The following RALGAPB variants were observed in gnomAD, a reference collection of about 807,000 sequenced individuals.
RALGAPB encodes the protein ral GTPase-activating protein subunit beta.
In RALGAPB, 25 loss-of-function variants were observed where a neutral mutation model predicts 161.1. The observed-to-expected ratio is 0.16, with a 90% CI of 0.11 to 0.22. RALGAPB has a LOEUF of 0.22. RALGAPB is among the 10% of genes least tolerant of loss of function. The pLI, the probability that RALGAPB is intolerant of heterozygous loss-of-function variation, is 1.00. For missense variants in RALGAPB, 1,391 were observed against 1,815.2 expected, an observed-to-expected ratio of 0.77 and a Z score of 4.25; for synonymous variants, 629 against 626.1, an observed-to-expected ratio of 1.00 and a Z score of -0.07.
intron 9 of RALGAPB, among the ~76,000 whole-genome samples, 179 bp downstream of exon 9, chr20:38,518,179 C>T (rs1004221176): frequency 3.3e-5 from 5 of 152,122 alleles, no homozygotes; most frequent in South Asian, 2.1e-4. Context: ...AGTTTTCCTC[C>T]CTGTTCTTTT....
At chr20:38,524,671 A>C (rs79355080) in intron 10 of RALGAPB, 107 bp from the exon 11 acceptor site, 1 of 843,742 alleles carries the variant, frequency 1.2e-6, no homozygotes, top group Admixed American at 2.6e-5. Context: ...TTAAAGGGTA[A>C]AAATAGTGAT....
chr20:38,503,850 C>G (rs2085669331), intron 5 of RALGAPB, among the ~76,000 whole-genome samples: 1 of 152,192 alleles, frequency 6.6e-6, no homozygotes, highest in East Asian at 1.9e-4. Context: ...CCACCCCAAC[C>G]TTCAGCAGTC....
intron 9 of RALGAPB, 80 bp downstream of exon 9, chr20:38,518,080 G>C: frequency 7.7e-7 from 1 of 1,300,464 alleles, no homozygotes; most frequent in Non-Finnish European, 1.1e-6. Context: ...CTACCTGCAA[G>C]ATTAATATGT....
intron 3 of RALGAPB, among the ~76,000 whole-genome samples, chr20:38,495,930 A>G (rs2122919517): frequency 6.6e-6 from 1 of 151,866 alleles, no homozygotes. Context: ...GGAGGCATGC[A>G]CTCTTGGAAG....
chr20:38,507,558 T>C (rs2085799603), intron 5 of RALGAPB, among the ~76,000 whole-genome samples: 1 of 152,136 alleles, frequency 6.6e-6, no homozygotes, highest in African/African-American at 2.4e-5. Context: ...GTATTTTTTG[T>C]AAAGATGAGG....
Position 38,551,138 on chromosome 20 carries a change from G to T in RALGAPB, c.3077G>T (p.Arg1026Leu). 6.2e-7 allele frequency: 1 copy of T among 1,613,788 alleles called. No homozygotes were observed. The highest frequency in any genetic ancestry group is 8.5e-7 in the Non-Finnish European group (1 of 1,179,754). Residue 1026 changes from arginine to leucine, a missense_variant, in exon 21 of 30, where the codon CGG becomes CTG. By Grantham distance (102) the Arg-to-Leu change is moderately radical (BLOSUM62 -2). Transcript: ENST00000262879. ...GGATTTAAATATTCTGTGAAACATC[G>T]GCCATTTCCTGAAGAGGTGGACAAG... Reference protein sequence around the residue: ...DVGFKYSVKHRPFPEEVDKIP... With the variant: ...DVGFKYSVKHLPFPEEVDKIP...
intron 22 of RALGAPB, 59 bp from the exon 23 acceptor site, chr20:38,558,236 A>G (rs2087656782): frequency 2.3e-6 from 3 of 1,331,668 alleles, no homozygotes; most frequent in Non-Finnish European, 3.0e-6. Context: ...TATTGTTTTT[A>G]TAATTATAAC....
Position 38,547,888 on chromosome 20 carries a change from A to G in RALGAPB, c.2903-801A>G, listed in dbSNP as rs202085980. On this transcript the variant is annotated intron_variant, in intron 19 of 29. Coordinates refer to ENST00000262879, the MANE Select transcript of RALGAPB (RefSeq NM_020336.4). ...CAAGCCATCTGCTGAGGAGTCTGCA[A>G]AATCCCAGTGTCCCCTTCAGGCTTC... 18 of 152,266 alleles carry G rather than the reference A, an allele frequency of 1.2e-4. No individual in the cohort carries two copies. The East Asian group carries it at 3.3e-3, about 28-fold the overall frequency. The allele number at this position is 152,266 out of a possible 1,614,324, so 9.4% of individuals were successfully genotyped here.
chr20:38,478,480 G>A (rs2084869552), intron 1 of RALGAPB, among the ~76,000 whole-genome samples: 1 of 152,126 alleles, frequency 6.6e-6, no homozygotes, highest in South Asian at 2.1e-4. Flanking sequence ...GAGTGCAGTG[G>A]CGTGATCTCA....
At chr20:38,529,702 G>A (rs2086590535) in intron 13 of RALGAPB, among the ~76,000 whole-genome samples, 1 of 151,566 alleles carries the variant, frequency 6.6e-6, no homozygotes, top group Non-Finnish European at 1.5e-5. Flanking sequence ...AATTAGCCAG[G>A]CGTGGTGGCA....
chr20:38,572,402 CA>C (rs1222983997), intron 28 of RALGAPB, among the ~76,000 whole-genome samples: 2 of 152,122 alleles, frequency 1.3e-5, no homozygotes, highest in Non-Finnish European at 2.9e-5. Context: ...AAAATAGGCT[CA>C]AAGAGGTTAT....
At chr20:38,489,030 T>C (rs966508728) in intron 2 of RALGAPB, among the ~76,000 whole-genome samples, 1 of 152,184 alleles carries the variant, frequency 6.6e-6, no homozygotes, top group African/African-American at 2.4e-5. Flanking sequence ...TGAAGACTCA[T>C]GTCAAGTTTT....
chr20:38,489,732 T>C (rs1465285062), intron 2 of RALGAPB, among the ~76,000 whole-genome samples: 1 of 152,180 alleles, frequency 6.6e-6, no homozygotes, highest in Non-Finnish European at 1.5e-5. Flanking sequence ...CTAAAACTTG[T>C]AGCTCTAAGG....
intron 18 of RALGAPB, among the ~76,000 whole-genome samples, chr20:38,544,234 A>T (rs1282813825): frequency 6.6e-6 from 1 of 152,138 alleles, no homozygotes; most frequent in African/African-American, 2.4e-5. Flanking sequence ...TCCCACTTCT[A>T]TGCGTTGGTT....
chr20:38,576,126 G>A lies in RALGAPB; in HGVS notation c.*1159G>A, dbSNP rs966917387. 6.6e-6 allele frequency: 1 copy of A among 152,462 alleles called. No individual in the cohort carries two copies. The highest frequency in any genetic ancestry group is 2.4e-5 in the African/African-American group (1 of 41,418). 9.4% of individuals were successfully genotyped at this position (152,462 alleles called of 1,614,324 possible). A position where few individuals can be genotyped will look rare whatever the true frequency, so the allele number is the denominator to read the frequency against. ...TTACCTCGCTGCTACTTTTCTGCAG[G>A]GATAAAACTTTTGAGGTGGCCAGAC... is the stretch of plus-strand genomic sequence containing the variant. On this transcript the variant is annotated 3_prime_UTR_variant, in exon 30 of 30. Coordinates refer to ENST00000262879, the MANE Select transcript of RALGAPB (RefSeq NM_020336.4).
intron 23 of RALGAPB, among the ~76,000 whole-genome samples, chr20:38,560,191 A>T (rs1295346697): frequency 6.6e-6 from 1 of 152,172 alleles, no homozygotes; most frequent in Non-Finnish European, 1.5e-5. Context: ...AAAATCTACA[A>T]GATTTCTGGC....
chr20:38,536,593 A>G lies in RALGAPB; in HGVS notation c.2379+1386A>G, dbSNP rs548946341. On this transcript the variant is annotated intron_variant, in intron 16 of 29. Coordinates refer to ENST00000262879, the MANE Select transcript of RALGAPB (RefSeq NM_020336.4). ...AATCATTTTACATTCCCAGTGTATG[A>G]GAGTTTCACTTTCTTTGCATTTTCT... Among the ~76,000 whole-genome samples, 277 of 152,310 alleles carry G rather than the reference A, an allele frequency of 1.8e-3. 3 individuals are homozygous for G. The highest frequency in any genetic ancestry group is 6.0e-3 in the African/African-American group (251 of 41,572).
At chr20:38,538,987 C>G (rs1042253043) in intron 16 of RALGAPB, among the ~76,000 whole-genome samples, 2 of 152,120 alleles carry the variant, frequency 1.3e-5, no homozygotes, top group Admixed American at 1.3e-4. Context: ...TGGAAACAAC[C>G]CAATGTCCAT....
intron 13 of RALGAPB, among the ~76,000 whole-genome samples, chr20:38,526,875 A>G (rs577778786): frequency 2.7e-4 from 41 of 152,224 alleles, no homozygotes; most frequent in East Asian, 3.9e-4. Context: ...GTAAACAGCA[A>G]TGTATTACAT....
Sources: allele counts gnomAD v4.1 joint callset (sites outside exome capture counted in the v4.1 genomes callset), GRCh38; gene constraint gnomAD v4.1.1; transcripts MANE v1.5; gene names NCBI Gene and HGNC (gene_info 2026-07-23, HGNC 2026-07-21).